Variants in DCPS observed in about 807,000 individuals in gnomAD.
The protein encoded by DCPS is m7GpppX diphosphatase.
Under a neutral mutation model 34.7 loss-of-function variants are expected in DCPS, and 27 were observed. That is an observed-to-expected ratio of 0.78 (90% CI 0.57 to 1.07). DCPS has a LOEUF of 1.07. Ranked by LOEUF, DCPS falls within the 50% of genes least tolerant of loss-of-function variation. The pLI is 0.00. For missense variants in DCPS, 464 were observed against 436.9 expected (o/e 1.06, Z -0.55); for synonymous variants, 185 against 185.7 (o/e 1.00, Z 0.03).
Position 126,304,072 on chromosome 11 carries a change from C to G in DCPS, c.-9C>G, listed in dbSNP as rs754624738. Reference sequence around the variant, plus strand: ...AGGGGGCGCAGGCGCACACCGCCTCCGCGGCAGCATGGCGGACGCAGCTCC... The same window carrying G: ...AGGGGGCGCAGGCGCACACCGCCTCGGCGGCAGCATGGCGGACGCAGCTCC... On this transcript the variant is annotated 5_prime_UTR_variant, in exon 1 of 6. Transcript: ENST00000263579. The G allele has an allele frequency of 2.5e-6, 4 of 1,586,184 alleles. No homozygotes were observed. The highest frequency in any genetic ancestry group is 3.4e-6 in the Non-Finnish European group (4 of 1,166,230).
chr11:126,306,666 G>A lies in DCPS; in HGVS notation c.298G>A (p.Gly100Ser). Residue 100 changes from glycine (G) to serine (S), a missense_variant, in exon 2 of 6, where the codon GGC (glycine) becomes AGC (serine). Gly to Ser is a moderately conservative substitution (Grantham distance 56). Coordinates refer to ENST00000263579, the MANE Select transcript of DCPS (RefSeq NM_014026.6). Reference sequence around the variant, plus strand: ...GGAACAGGTGGCTCAGCTCCTGACGGGCAGCCCTGAGCTCCAGTTGCAGTT... The same window carrying A: ...GGAACAGGTGGCTCAGCTCCTGACGAGCAGCCCTGAGCTCCAGTTGCAGTT... ...QVEQVAQLLT[G>S]SPELQLQFSN... The A allele has an allele frequency of 6.2e-7, 1 of 1,613,900 alleles. No individual in the cohort carries two copies.
chr11:126,307,734 A>T (rs1712564344), intron 2 of DCPS, among the ~76,000 whole-genome samples: 1 of 152,210 alleles, frequency 6.6e-6, no homozygotes, highest in South Asian at 2.1e-4. Flanking sequence ...TACTAATTGA[A>T]TGATAAAAAT....
chr11:126,339,988 A>G (rs1240886817), intron 4 of DCPS, among the ~76,000 whole-genome samples: 1 of 152,192 alleles, frequency 6.6e-6, no homozygotes, highest in East Asian at 1.9e-4. Context: ...TTGAAGACTG[A>G]AGAGCTTGCC....
At chr11:126,310,809 A>T (rs774461251) in intron 2 of DCPS, among the ~76,000 whole-genome samples, 3 of 152,144 alleles carry the variant, frequency 2.0e-5, no homozygotes, top group Non-Finnish European at 4.4e-5. Context: ...GAGGGCCCTG[A>T]ATGTGCAGTT....
chr11:126,306,694 C>T lies in DCPS; in HGVS notation c.326C>T (p.Ser109Phe), dbSNP rs1328426842. 6.2e-7 allele frequency: 1 copy of T among 1,613,540 alleles called. No individual in the cohort carries two copies. The highest frequency in any genetic ancestry group is 1.1e-5 in the South Asian group (1 of 91,068). Residue 109 changes from serine to phenylalanine, a missense_variant, in exon 2 of 6, where the codon TCC (serine) becomes TTC (phenylalanine). Ser to Phe is a radical substitution (Grantham distance 155, BLOSUM62 -2). Transcript: ENST00000263579. ...TGSPELQLQF[S>F]NDIYSTYHLF... ...AGCCCTGAGCTCCAGTTGCAGTTCT[C>T]CAATGATATCTACAGCACCTATCAC...
rs1035157923 is a variant in DCPS at position 126,312,493 on chromosome 11, C to T, written c.376+5749C>T. On this transcript the variant is annotated intron_variant, in intron 2 of 5. Transcript: ENST00000263579. The surrounding 1 kb of genome is among the most constrained non-coding windows in gnomAD (Gnocchi z 5.1). ...AGCTGGGACTACAGGCACCCGCCAC[C>T]ACACCCAGCTAATTTTTTTGTATTT... Among the ~76,000 whole-genome samples the T allele has an allele frequency of 3.3e-5, 5 of 151,928 alleles. No homozygotes were observed. The highest frequency in any genetic ancestry group is 2.6e-4 in the Admixed American group (4 of 15,230).
At chr11:126,308,619 A>G (rs1336820410) in intron 2 of DCPS, among the ~76,000 whole-genome samples, 1 of 152,234 alleles carries the variant, frequency 6.6e-6, no homozygotes, top group African/African-American at 2.4e-5. Context: ...AGAATGACAG[A>G]AGGCACCGTG....
At chr11:126,326,033 G>A (rs891700863) in intron 2 of DCPS, among the ~76,000 whole-genome samples, 2 of 152,168 alleles carry the variant, frequency 1.3e-5, no homozygotes, top group African/African-American at 4.8e-5. Context: ...CAGGAGAATC[G>A]CTGAAACCCA....
rs1382443929 is a variant in DCPS at position 126,319,093 on chromosome 11, T to G, written c.377-12312T>G. Among the ~76,000 whole-genome samples the G allele has an allele frequency of 6.6e-6, 1 of 152,152 alleles. No individual in the cohort carries two copies. Among genetic ancestry groups the G allele is most frequent in the Admixed American group, 6.5e-5 (1 of 15,274 alleles). On this transcript the variant is annotated intron_variant, in intron 2 of 5. Transcript: ENST00000263579. The surrounding 1 kb of genome is among the most constrained non-coding windows in gnomAD (Gnocchi z 4.5). The stretch of plus-strand genomic sequence containing the variant: ...TCTTGATGGACAAGTCAGAGCTGTG[T>G]TAGTCCGGGGCACATCAGCCTGCTC...
At chr11:126,306,209 C>T (rs1400193052) in intron 1 of DCPS, among the ~76,000 whole-genome samples, 1 of 152,034 alleles carries the variant, frequency 6.6e-6, no homozygotes, top group Non-Finnish European at 1.5e-5. Flanking sequence ...CCCATCTCTA[C>T]TAAAAATACA....
Position 126,338,469 on chromosome 11 carries a change from CCT to C in DCPS, c.636+73_636+74del. ...TGTAAGTGCTGGTCCTTCTGACTGC[CCT>C]CTTTCTCACGCTGGCCTGTCTCTAA... On this transcript the variant is annotated intron_variant, in intron 4 of 5. Transcript: ENST00000263579. The surrounding 1 kb of genome is among the most constrained non-coding windows in gnomAD (Gnocchi z 5.4). The C allele has an allele frequency of 7.1e-7, 1 of 1,401,216 alleles. No homozygotes were observed. The highest frequency in any genetic ancestry group is 1.0e-6 in the Non-Finnish European group (1 of 987,488). 86.8% of individuals were successfully genotyped at this position (1,401,216 alleles called of 1,614,324 possible).
chr11:126,343,089 G>A (rs240538), intron 4 of DCPS, among the ~76,000 whole-genome samples: 32,286 of 141,868 alleles, frequency 0.23, 4,563 homozygotes, highest in East Asian at 0.68. Context: ...AAAAAAAAAG[G>A]ACTCTCACAT....
rs1240684850 is a variant in DCPS at position 126,344,571 on chromosome 11, A to G, written c.748-776A>G. 6.6e-6 allele frequency among the ~76,000 whole-genome samples: 1 copy of G among 152,122 alleles called. No homozygotes were observed. The highest frequency in any genetic ancestry group is 6.5e-5 in the Admixed American group (1 of 15,272). On this transcript the variant is annotated intron_variant, in intron 5 of 5. Coordinates refer to ENST00000263579, the MANE Select transcript of DCPS (RefSeq NM_014026.6). This position sits in a 1 kb window ranked among gnomAD's most constrained non-coding sequence, Gnocchi z 8.1. ...AATGCAGAACACAGTTCTGGGGTAT[A>G]TACTGAGCCCACTGAGGCCCTAGTA...
At chr11:126,324,481 GT>G (rs999015843) in intron 2 of DCPS, among the ~76,000 whole-genome samples, 1 of 151,724 alleles carries the variant, frequency 6.6e-6, no homozygotes, top group Non-Finnish European at 1.5e-5. Context: ...TTTAGACAGG[GT>G]CTCACTCTGT....
chr11:126,345,472 C>G lies in DCPS; in HGVS notation c.873C>G (p.Gly291=), dbSNP rs748691476. The change falls in exon 6 of 6, where the codon GGC becomes GGG. Residue 291 remains glycine, a synonymous_variant. Transcript: ENST00000263579. This position sits in a 1 kb window ranked among gnomAD's most constrained non-coding sequence, Gnocchi z 7.4. ...TGGGCTTCGAGGCCCCCGGCTCAGG[C>G]GTGGAGCGGGCCCACCTGCTGGCTG... ...TALGFEAPGS[G]VERAHLLAEV... 1.2e-6 allele frequency: 2 copies of G among 1,614,154 alleles called. No individual in the cohort carries two copies. Among genetic ancestry groups the G allele is most frequent in the Non-Finnish European group, 1.7e-6 (2 of 1,180,026 alleles).
At position 126,336,458 on chromosome 11, in the gene DCPS, A is replaced by C. The variant is rs919966157; in HGVS notation, c.523-1828A>C. On this transcript the variant is annotated intron_variant, in intron 3 of 5. Transcript: ENST00000263579. The surrounding 1 kb of genome is among the most constrained non-coding windows in gnomAD (Gnocchi z 6.3). ...CCCTTATGTAGATATCATCAGCCCC[A>C]TTTTACAAAGGAGGCATCAGTCGCT... 6.6e-6 allele frequency: 1 copy of C among 152,206 alleles called. No individual in the cohort carries two copies. The highest frequency in any genetic ancestry group is 6.6e-5 in the Admixed American group (1 of 15,264). The allele number at this position is 152,206 out of a possible 1,614,324, so 9.4% of individuals were successfully genotyped here.
rs1951803337 is a variant in DCPS at position 126,332,811 on chromosome 11, C to T, written c.522+1261C>T. 6.6e-6 allele frequency among the ~76,000 whole-genome samples: 1 copy of T among 152,180 alleles called. No individual in the cohort carries two copies. Among genetic ancestry groups the T allele is most frequent in the Non-Finnish European group, 1.5e-5 (1 of 68,034 alleles). ...TGTTTGTTTGTTTTTAAAGTCCCAG[C>T]ACTTGTTCTGTTTTCCAAGTGAAAA... On this transcript the variant is annotated intron_variant, in intron 3 of 5. Transcript: ENST00000263579. This position sits in a 1 kb window ranked among gnomAD's most constrained non-coding sequence, Gnocchi z 5.4.
In DCPS at chr11:126,342,904, C is replaced by A. The variant is rs1410700520; in HGVS notation, c.637-403C>A. The stretch of plus-strand genomic sequence containing the variant: ...ACCAGCCTGGCCAATATGGTGAAAC[C>A]CCATCTCTACTAAAAATATAAAGAG... On this transcript the variant is annotated intron_variant, in intron 4 of 5. Coordinates refer to ENST00000263579, the MANE Select transcript of DCPS (RefSeq NM_014026.6). This position sits in a 1 kb window ranked among gnomAD's most constrained non-coding sequence, Gnocchi z 4.4. 1.3e-5 allele frequency among the ~76,000 whole-genome samples: 2 copies of A among 151,924 alleles called. No homozygotes were observed. Among genetic ancestry groups the A allele is most frequent in the African/African-American group, 4.8e-5 (2 of 41,354 alleles).
At chr11:126,318,050 A>AC (rs1383576333) in intron 2 of DCPS, among the ~76,000 whole-genome samples, 4 of 151,334 alleles carry the variant, frequency 2.6e-5, no homozygotes, top group Non-Finnish European at 5.9e-5. Flanking sequence ...TTGCCTCCCT[A>AC]CCCCCTCTGC....
Sources: allele counts gnomAD v4.1 joint callset (sites outside exome capture counted in the v4.1 genomes callset), GRCh38; gene constraint gnomAD v4.1.1; non-coding constraint Gnocchi (gnomAD v3.1); transcripts MANE v1.5; gene names NCBI Gene and HGNC (gene_info 2026-07-23, HGNC 2026-07-21).